Variants in C1S observed in about 807,000 individuals in gnomAD.
The protein encoded by C1S is complement C1s subcomponent.
In C1S, 31 loss-of-function variants were observed where a neutral mutation model predicts 54.0. The observed-to-expected ratio is 0.57, with a 90% CI of 0.43 to 0.78. The LOEUF (loss-of-function observed/expected upper bound fraction) is 0.78. Ranked by LOEUF, C1S falls within the 30% of genes least tolerant of loss-of-function variation. The pLI is 0.00. For missense variants in C1S, 727 were observed against 851.8 expected, an observed-to-expected ratio of 0.85 and a Z score of 1.82; for synonymous variants, 292 against 303.6, an observed-to-expected ratio of 0.96 and a Z score of 0.40.
intron 5 of C1S, 77 bp downstream of exon 5, chr12:7,064,469 C>G (rs981049021): frequency 9.8e-6 from 15 of 1,533,422 alleles, no homozygotes; most frequent in Non-Finnish European, 1.4e-5. Context: ...CTTTGTCCAC[C>G]CTTCCAACTT....
chr12:7,068,372 G>C (rs188922499), intron 10 of C1S, 84 bp from the exon 11 acceptor site: 5 of 949,738 alleles, frequency 5.3e-6, no homozygotes, highest in African/African-American at 1.6e-5. Context: ...TGAAGGAACG[G>C]GGCAGGGTGT....
At chr12:7,064,946 C>T (rs969091513) in intron 5 of C1S, among the ~76,000 whole-genome samples, 154 bp from the exon 6 acceptor site, 16 of 152,242 alleles carry the variant, frequency 1.1e-4, no homozygotes, top group African/African-American at 2.9e-4. Context: ...ACGTATTGCA[C>T]GTGTAATTGC....
Position 7,062,523 on chromosome 12 carries a change from C to T in C1S, c.54C>T (p.Thr18=). 1 of 1,613,800 alleles carries T rather than the reference C, an allele frequency of 6.2e-7. No homozygotes were observed. Among genetic ancestry groups the T allele is most frequent in the East Asian group, 2.2e-5 (1 of 44,894 alleles). ...SLLAWVYAEP[T]MYGEILSPNY... ...TGGCATGGGTTTATGCTGAGCCTAC[C>T]ATGTATGGGGAGATCCTGTCCCCTA... The change falls in exon 3 of 12, where the codon ACC becomes ACT. Residue 18 remains threonine, a synonymous_variant. Coordinates refer to ENST00000360817, the MANE Select transcript of C1S (RefSeq NM_001734.5).
chr12:7,062,750 G>T, intron 3 of C1S, 68 bp downstream of exon 3: 1 of 1,515,836 alleles, frequency 6.6e-7, no homozygotes. Context: ...AAGGATGTGG[G>T]AGGGAGTGCC....
intron 1 of C1S, chr12:7,061,148 G>C (rs887167806): frequency 1.3e-5 from 2 of 152,516 alleles, no homozygotes; most frequent in African/African-American, 4.8e-5. Flanking sequence ...AGTTGGCGGT[G>C]GGGGGCAGGG....
At chr12:7,064,684 T>C (rs1555161817) in intron 5 of C1S, among the ~76,000 whole-genome samples, 1 of 152,146 alleles carries the variant, frequency 6.6e-6, no homozygotes, top group East Asian at 1.9e-4. Flanking sequence ...TTCTCGCCCC[T>C]GTTTCAACCT....
chr12:7,066,712 C>T (rs782146838), intron 8 of C1S, 79 bp downstream of exon 8: 2 of 853,542 alleles, frequency 2.3e-6, no homozygotes, highest in East Asian at 2.4e-5. Flanking sequence ...AGTTGTTTAC[C>T]CAATGTATGT....
rs1555162961 is a variant in C1S at position 7,070,099 on chromosome 12, T to C, written c.1515T>C (p.Pro505=). ...SRLAKSKMLT[P]EHVFIHPGWK... Reference sequence around the variant, plus strand: ...TGGCAAAATCCAAGATGCTCACTCCTGAGCATGTGTTTATTCATCCGGGAT... The same window carrying C: ...TGGCAAAATCCAAGATGCTCACTCCCGAGCATGTGTTTATTCATCCGGGAT... The change falls in exon 12 of 12, where the codon CCT becomes CCC. Residue 505 remains proline, a synonymous_variant. Transcript: ENST00000360817. This position sits in a 1 kb window ranked among gnomAD's most constrained non-coding sequence, Gnocchi z 4.9. 1.8e-5 allele frequency: 29 copies of C among 1,614,138 alleles called. No individual in the cohort carries two copies. Among genetic ancestry groups the C allele is most frequent in the Non-Finnish European group, 2.5e-5 (29 of 1,180,006 alleles).
Position 7,070,531 on chromosome 12 carries a change from A to G in C1S, c.1947A>G (p.Ala649=). 2 of 1,613,934 alleles carry G rather than the reference A, an allele frequency of 1.2e-6. No individual in the cohort carries two copies. The highest frequency in any genetic ancestry group is 4.5e-5 in the East Asian group (2 of 44,878). Residue 649 remains alanine (A), a synonymous_variant, in exon 12 of 12, where the codon GCA becomes GCG. Coordinates refer to ENST00000360817, the MANE Select transcript of C1S (RefSeq NM_001734.5). This position sits in a 1 kb window ranked among gnomAD's most constrained non-coding sequence, Gnocchi z 4.9. The stretch of plus-strand genomic sequence containing the variant: ...CCAATGACAAGACCAAATTCTACGC[A>G]GCTGGCCTGGTGTCCTGGGGGCCCC... ...QDPNDKTKFY[A]AGLVSWGPQC...
At chr12:7,067,208 T>A in intron 9 of C1S, 91 bp downstream of exon 9, 1 of 963,110 alleles carries the variant, frequency 1.0e-6, no homozygotes, top group South Asian at 1.3e-5. Context: ...TGGTTTCCTC[T>A]TAGGCATGTG....
chr12:7,068,638 A>G (rs1937744728), intron 11 of C1S, 108 bp downstream of exon 11: 1 of 814,580 alleles, frequency 1.2e-6, no homozygotes, highest in Non-Finnish European at 2.1e-6. Flanking sequence ...GTGACCTGCC[A>G]GAGTCCAGCT....
rs782590459 is a variant in C1S at position 7,069,918 on chromosome 12, A to G, written c.1334A>G (p.Asp445Gly). 13 of 1,613,998 alleles carry G rather than the reference A, an allele frequency of 8.1e-6. No individual in the cohort carries two copies. Among genetic ancestry groups the G allele is most frequent in the African/African-American group, 1.3e-5 (1 of 74,892 alleles). ...KQRIIGGSDADIKNFPWQVFF... is the reference protein window; with the variant it reads ...KQRIIGGSDAGIKNFPWQVFF... Reference sequence around the variant, plus strand: ...AGGATAATTGGAGGATCCGATGCAGATATTAAAAACTTCCCCTGGCAAGTC... The same window carrying G: ...AGGATAATTGGAGGATCCGATGCAGGTATTAAAAACTTCCCCTGGCAAGTC... The change falls in exon 12 of 12, where the codon GAT becomes GGT. Residue 445 changes from aspartate to glycine, a missense_variant. Asp to Gly is a moderately conservative substitution (Grantham distance 94). This residue lies in a region of C1S where 360 missense variants were observed against 453.6 expected (regional missense o/e 0.79). Coordinates refer to ENST00000360817, the MANE Select transcript of C1S (RefSeq NM_001734.5).
intron 10 of C1S, 79 bp downstream of exon 10, chr12:7,067,850 CAG>C (rs779610879): frequency 6.9e-7 from 1 of 1,451,604 alleles, no homozygotes; most frequent in Non-Finnish European, 9.6e-7. Flanking sequence ...GTGCCAGAGA[CAG>C]AGTTTGGAGA....
chr12:7,065,204 T>G lies in C1S; in HGVS notation c.622T>G (p.Leu208Val). 6.2e-7 allele frequency: 1 copy of G among 1,613,986 alleles called. No homozygotes were observed. The highest frequency in any genetic ancestry group is 8.5e-7 in the Non-Finnish European group (1 of 1,179,918). Residue 208 changes from leucine (L) to valine (V), a missense_variant, in exon 6 of 12, where the codon TTG becomes GTG. Physicochemically the swap from Leu to Val is conservative, Grantham distance 32. Around this residue, in one of 3 missense-constraint regions of C1S, gnomAD observed 357 missense variants for 365.4 expected, o/e 0.98. Transcript: ENST00000360817. Reference protein sequence around the residue: ...ENSRCEYQIRLEKGFQVVVTL... With the variant: ...ENSRCEYQIRVEKGFQVVVTL... ...CTCAAGGTGTGAATACCAGATCCGGTTGGAGAAAGGGTTCCAAGTGGTGGT... is the reference window on the plus strand; with the variant it reads ...CTCAAGGTGTGAATACCAGATCCGGGTGGAGAAAGGGTTCCAAGTGGTGGT...
chr12:7,064,035 T>TACAC, intron 4 of C1S: 1 of 571,128 alleles, frequency 1.8e-6, no homozygotes, highest in Non-Finnish European at 3.3e-6. Context: ...CTATGTCACT[T>TACAC]ACACACACAC....
intron 9 of C1S, 27 bp from the exon 10 acceptor site, chr12:7,067,616 C>T: frequency 1.9e-6 from 3 of 1,613,046 alleles, no homozygotes; most frequent in Non-Finnish European, 2.5e-6. Flanking sequence ...CTGTCCTGAC[C>T]ATCGCTCTCC....
At chr12:7,064,426 T>C (rs781808372) in intron 5 of C1S, 34 bp downstream of exon 5, 8 of 1,613,748 alleles carry the variant, frequency 5.0e-6, no homozygotes, top group Non-Finnish European at 5.1e-6. Context: ...GCATGTTCCC[T>C]GGGATTTGGA....
chr12:7,066,572 C>CA lies in C1S; in HGVS notation c.930dup (p.Tyr311IlefsTer4). On this transcript the variant is annotated frameshift_variant, in exon 8 of 12. Coordinates refer to ENST00000360817, the MANE Select transcript of C1S (RefSeq NM_001734.5). LOFTEE classifies it high-confidence loss of function. ...AATTCTGTTTGGGAGCCTGCGAAGGCAAAATATGTCTTTAGAGATGTGGTG... is the reference window on the plus strand; with the variant it reads ...AATTCTGTTTGGGAGCCTGCGAAGGCAAAAATATGTCTTTAGAGATGTGGTG... 2 of 1,614,022 alleles carry CA rather than the reference C, an allele frequency of 1.2e-6. No homozygotes were observed. The highest frequency in any genetic ancestry group is 1.7e-6 in the Non-Finnish European group (2 of 1,179,872).
In C1S at chr12:7,070,628, A is replaced by T; in HGVS notation, c.2044A>T (p.Asn682Tyr). ...CTGGATAATGAAGACTATGCAGGAAAATAGCACCCCCCGTGAGGACTAATC... is the reference window on the plus strand; with the variant it reads ...CTGGATAATGAAGACTATGCAGGAATATAGCACCCCCCGTGAGGACTAATC... ...VDWIMKTMQE[N>Y]STPRED The change falls in exon 12 of 12, where the codon AAT (asparagine) becomes TAT (tyrosine). Residue 682 changes from asparagine to tyrosine, a missense_variant. By Grantham distance (143) the Asn-to-Tyr change is moderately radical. Around this residue, in one of 3 missense-constraint regions of C1S, gnomAD observed 360 missense variants for 453.6 expected, o/e 0.79. Coordinates refer to ENST00000360817, the MANE Select transcript of C1S (RefSeq NM_001734.5). The surrounding 1 kb of genome is among the most constrained non-coding windows in gnomAD (Gnocchi z 4.9). The T allele has an allele frequency of 6.2e-7, 1 of 1,614,080 alleles. No individual in the cohort carries two copies. The highest frequency in any genetic ancestry group is 8.5e-7 in the Non-Finnish European group (1 of 1,180,034).
Sources: gnomAD v4.1 joint callset for allele counts (sites outside exome capture counted in the v4.1 genomes callset) on GRCh38, gnomAD v4.1.1 for gene constraint, gnomAD v4.1.1 regional missense constraint, Gnocchi (gnomAD v3.1) non-coding constraint, MANE v1.5 for transcripts, NCBI Gene and HGNC (gene_info 2026-07-23, HGNC 2026-07-21) for gene names.